The following PAX3 variants were observed in gnomAD, a reference collection of about 807,000 sequenced individuals.
The protein encoded by PAX3 is paired box 3.
A neutral mutation model predicts 51.6 loss-of-function variants in PAX3; 14 were observed. The observed-to-expected ratio is 0.27, with a 90% confidence interval of 0.18 to 0.42. The LOEUF (loss-of-function observed/expected upper bound fraction) is 0.42. PAX3 is among the 10% of genes least tolerant of loss of function. PAX3 has a pLI of 1.00. For synonymous variants in PAX3, 280 were observed against 253.4 expected (o/e 1.11, Z -1.00); for missense variants, 540 against 642.8 (o/e 0.84, Z 1.73).
At chr2:222,241,236 T>G (rs1259079293) in intron 4 of PAX3, among the ~76,000 whole-genome samples, 1 of 152,172 alleles carries the variant, frequency 6.6e-6, no homozygotes, top group Non-Finnish European at 1.5e-5. Context: ...CAAGTGACTT[T>G]TATTTACAAT....
intron 4 of PAX3, among the ~76,000 whole-genome samples, chr2:222,235,168 TA>T (rs755861400): frequency 6.6e-6 from 1 of 152,194 alleles, no homozygotes; most frequent in Non-Finnish European, 1.5e-5. Context: ...AAAGAATGGT[TA>T]GATTTACAAG....
At chr2:222,289,192 A>G (rs1177366221) in intron 4 of PAX3, among the ~76,000 whole-genome samples, 3 of 152,218 alleles carry the variant, frequency 2.0e-5, no homozygotes, top group African/African-American at 7.2e-5. Context: ...GTCATACAGA[A>G]TCCAATCGAA....
chr2:222,289,935 C>T (rs533332264), intron 4 of PAX3, among the ~76,000 whole-genome samples: 2 of 152,282 alleles, frequency 1.3e-5, no homozygotes, highest in Admixed American at 6.5e-5. Context: ...ATTCGTGATC[C>T]TAACAAATGG....
intron 4 of PAX3, among the ~76,000 whole-genome samples, chr2:222,240,904 G>A (rs1692989256): frequency 1.3e-5 from 2 of 152,070 alleles, no homozygotes; most frequent in Non-Finnish European, 2.9e-5. Context: ...TACCACCAAA[G>A]CATTTCAAAG....
At chr2:222,293,684 A>T in intron 4 of PAX3, 1 of 1,614,168 alleles carries the variant, frequency 6.2e-7, no homozygotes, top group Non-Finnish European at 8.5e-7. Context: ...GCAATTTTGG[A>T]GGGCCGTTGC....
chr2:222,214,066 A>C (rs1429831419), intron 7 of PAX3, among the ~76,000 whole-genome samples: 1 of 152,204 alleles, frequency 6.6e-6, no homozygotes, highest in African/African-American at 2.4e-5. Flanking sequence ...TCCCATCCAC[A>C]TAACAAGTCC....
At chr2:222,242,010 C>T (rs915857272) in intron 4 of PAX3, among the ~76,000 whole-genome samples, 2 of 152,050 alleles carry the variant, frequency 1.3e-5, no homozygotes, top group African/African-American at 4.8e-5. Flanking sequence ...AATCAGTGAT[C>T]GAACAAAAAA....
At chr2:222,295,059 C>A (rs189166317) in intron 3 of PAX3, among the ~76,000 whole-genome samples, 324 of 152,032 alleles carry the variant, frequency 2.1e-3, no homozygotes, top group Non-Finnish European at 3.5e-3. Flanking sequence ...TCCGCCTCCC[C>A]CAGGCTGCCG....
At chr2:222,214,784 G>T (rs970948648) in intron 7 of PAX3, 1 of 152,090 alleles carries the variant, frequency 6.6e-6, no homozygotes, top group Non-Finnish European at 1.5e-5. Flanking sequence ...AGGTGTACTG[G>T]TTATTCAATT....
At position 222,293,671 on chromosome 2, in the gene PAX3, G is replaced by A. The variant is rs1574762674; in HGVS notation, c.586+496C>T. Reference sequence around the variant, plus strand: ...ACATATTTATAAGGCAGCCAATGTGGGGGCAATTTTGGAGGGCCGTTGCCC... The same window carrying A: ...ACATATTTATAAGGCAGCCAATGTGAGGGCAATTTTGGAGGGCCGTTGCCC... On this transcript the variant is annotated intron_variant, in intron 4 of 8. Transcript: ENST00000392070. 14 of 1,614,076 alleles carry A rather than the reference G, an allele frequency of 8.7e-6. No individual in the cohort carries two copies. In the East Asian group the frequency reaches 2.9e-4, roughly 33 times the overall value.
intron 4 of PAX3, among the ~76,000 whole-genome samples, chr2:222,238,251 T>G (rs939654611): frequency 1.1e-4 from 17 of 152,214 alleles, no homozygotes; most frequent in African/African-American, 3.9e-4. Context: ...AAGAAGGAAT[T>G]ACAGAATTAG....
intron 5 of PAX3, among the ~76,000 whole-genome samples, chr2:222,225,867 C>G (rs758459594): frequency 2.0e-4 from 30 of 152,202 alleles, no homozygotes; most frequent in Admixed American, 4.6e-4. Flanking sequence ...TTCCTTCACT[C>G]TGTGGTGTCC....
At chr2:222,203,769 AC>A (rs1691399532) in intron 7 of PAX3, among the ~76,000 whole-genome samples, 1 of 152,192 alleles carries the variant, frequency 6.6e-6, no homozygotes, top group South Asian at 2.1e-4. Context: ...ATCTTCTTGA[AC>A]TAAAGCTCTG....
At chr2:222,227,500 G>C (rs1171067288) in intron 5 of PAX3, among the ~76,000 whole-genome samples, 1 of 152,140 alleles carries the variant, frequency 6.6e-6, no homozygotes, top group African/African-American at 2.4e-5. Flanking sequence ...ACTGAGGCGG[G>C]AGGATCATCT....
At position 222,298,731 on chromosome 2, in the gene PAX3, G is replaced by T. The variant is rs936931889; in HGVS notation, c.-116C>A. 39 of 1,016,968 alleles carry T rather than the reference G, an allele frequency of 3.8e-5. No individual in the cohort carries two copies. Among genetic ancestry groups the T allele is most frequent in the Non-Finnish European group, 5.8e-5 (39 of 669,582 alleles). The allele number at this position is 1,016,968 out of a possible 1,614,324, so 63.0% of individuals were successfully genotyped here. A position where few individuals can be genotyped will look rare whatever the true frequency, so the allele number is the denominator to read the frequency against. On this transcript the variant is annotated 5_prime_UTR_variant, in exon 1 of 9. Transcript: ENST00000392070. Reference sequence around the variant, plus strand: ...AGCGTGGAGAGCCCCTCCCCAAAACGGCTGGAGAGAGAGGGAGGGACGCGG... The same window carrying T: ...AGCGTGGAGAGCCCCTCCCCAAAACTGCTGGAGAGAGAGGGAGGGACGCGG...
At chr2:222,210,549 C>T (rs7565552) in intron 7 of PAX3, among the ~76,000 whole-genome samples, 45,705 of 152,056 alleles carry the variant, frequency 0.3, 8,682 homozygotes, top group Non-Finnish European at 0.43. Context: ...ACCCTCTCCC[C>T]TCCCTGCTCC....
chr2:222,287,098 C>T (rs771983910), intron 4 of PAX3, among the ~76,000 whole-genome samples: 1 of 152,168 alleles, frequency 6.6e-6, no homozygotes, highest in African/African-American at 2.4e-5. Flanking sequence ...GCTCACAATG[C>T]TATTGGAGCT....
At chr2:222,280,768 C>A (rs530050622) in intron 4 of PAX3, among the ~76,000 whole-genome samples, 19 of 152,176 alleles carry the variant, frequency 1.2e-4, no homozygotes, top group Non-Finnish European at 2.2e-4. Flanking sequence ...GTAGAACAGG[C>A]CTTGAGTTCC....
At chr2:222,257,546 G>A (rs1316903552) in intron 4 of PAX3, among the ~76,000 whole-genome samples, 3 of 152,142 alleles carry the variant, frequency 2.0e-5, no homozygotes, top group Non-Finnish European at 2.9e-5. Flanking sequence ...TTTTCCAGAC[G>A]TTATTTTAAA....
Sources: gnomAD v4.1 joint callset for allele counts (sites outside exome capture counted in the v4.1 genomes callset) on GRCh38, gnomAD v4.1.1 for gene constraint, MANE v1.5 for transcripts, NCBI Gene and HGNC (gene_info 2026-07-23, HGNC 2026-07-21) for gene names.